Variants in ELMO1 observed in about 807,000 individuals in gnomAD.
ELMO1 encodes engulfment and cell motility 1, also known as engulfment and cell motility protein 1.
A neutral mutation model predicts 98.9 loss-of-function variants in ELMO1; 26 were observed. That is an observed-to-expected ratio of 0.26 (90% CI 0.19 to 0.36). ELMO1 has a LOEUF of 0.36. Ranked by LOEUF, ELMO1 falls within the 10% of genes least tolerant of loss-of-function variation. The pLI is 1.00. For synonymous variants in ELMO1, 346 were observed against 346.0 expected (o/e 1.00, Z 0.00); for missense variants, 627 against 935.2 (o/e 0.67, Z 4.30).
intron 18 of ELMO1, among the ~76,000 whole-genome samples, chr7:36,884,687 G>A (rs1194683026): frequency 2.0e-5 from 3 of 152,230 alleles, no homozygotes; most frequent in African/African-American, 4.8e-5. Flanking sequence ...ACATGAGACA[G>A]GCAGAAGGAT....
At chr7:37,168,876 C>T (rs951876425) in intron 13 of ELMO1, among the ~76,000 whole-genome samples, 4 of 151,834 alleles carry the variant, frequency 2.6e-5, no homozygotes, top group South Asian at 2.1e-4. Context: ...AAAGCTGTCA[C>T]GCAGGGACAT....
At chr7:37,267,350 C>T (rs956228929) in intron 5 of ELMO1, among the ~76,000 whole-genome samples, 2 of 152,160 alleles carry the variant, frequency 1.3e-5, no homozygotes, top group Non-Finnish European at 2.9e-5. Flanking sequence ...TAAAAATTAC[C>T]TACTGCACTT....
intron 16 of ELMO1, among the ~76,000 whole-genome samples, chr7:36,997,608 T>C (rs1792316154): frequency 6.6e-6 from 1 of 152,012 alleles, no homozygotes; most frequent in African/African-American, 2.4e-5. Flanking sequence ...AACGGAGCCA[T>C]GAGAATGGAG....
intron 13 of ELMO1, among the ~76,000 whole-genome samples, chr7:37,182,549 C>A (rs1040234391): frequency 1.4e-5 from 2 of 140,316 alleles, no homozygotes; most frequent in African/African-American, 5.4e-5. Context: ...GTCTCGCTCT[C>A]CTTCTTTCTC....
rs140853453 is a variant in ELMO1, at chr7:37,267,579, G to A, written c.243+4253C>T. ...AGGTGAATACCACTAGATTGCCCCC[G>A]AAGAGGGCATACAAATAGATTCTAC... On this transcript the variant is annotated intron_variant, in intron 5 of 21. Transcript: ENST00000310758. 2.5e-3 allele frequency among the ~76,000 whole-genome samples: 385 copies of A among 152,270 alleles called. 2 individuals are homozygous for A. Among genetic ancestry groups the A allele is most frequent in the African/African-American group, 8.8e-3 (364 of 41,560 alleles).
chr7:36,930,757 C>T (rs1395667820), intron 16 of ELMO1, among the ~76,000 whole-genome samples: 2 of 152,140 alleles, frequency 1.3e-5, no homozygotes, highest in Non-Finnish European at 1.5e-5. Context: ...TCATTCCAAA[C>T]ATGTCATACT....
chr7:36,861,709 A>G lies in ELMO1; in HGVS notation c.1933T>C (p.Leu645=), dbSNP rs756866196. 2.5e-6 allele frequency: 4 copies of G among 1,613,382 alleles called. No homozygotes were observed. In the South Asian group the frequency reaches 4.4e-5, roughly 18 times the overall value. The change falls in exon 21 of 22, where the codon TTG becomes CTG. Residue 645 remains leucine, a synonymous_variant. Transcript: ENST00000310758. ...KEVLELAFSI[L]YDSNCQLNFI... ...TTCAGTTGGCAGTTTGAGTCATACA[A>G]GATGGAGAAAGCGAGTTCAAGCACC...
chr7:37,206,131 CAAT>C (rs1266800242), intron 13 of ELMO1, among the ~76,000 whole-genome samples: 2 of 152,094 alleles, frequency 1.3e-5, no homozygotes, highest in East Asian at 3.8e-4. Context: ...GACGCCATTC[CAAT>C]AATATTAATA....
At chr7:37,163,751 G>T (rs1789411499) in intron 13 of ELMO1, among the ~76,000 whole-genome samples, 2 of 152,240 alleles carry the variant, frequency 1.3e-5, no homozygotes, top group South Asian at 2.1e-4. Context: ...TGGACATTTG[G>T]GTTGGTTCCA....
At chr7:37,121,145 C>A (rs901047174) in intron 14 of ELMO1, among the ~76,000 whole-genome samples, 1 of 152,114 alleles carries the variant, frequency 6.6e-6, no homozygotes, top group East Asian at 1.9e-4. Flanking sequence ...CATCAAAGAC[C>A]AAAGGTAGAT....
intron 4 of ELMO1, among the ~76,000 whole-genome samples, chr7:37,279,382 G>C (rs1797022922): frequency 6.6e-6 from 1 of 152,176 alleles, no homozygotes. Flanking sequence ...GCGTGCGGAA[G>C]CTCGCTTTGT....
chr7:37,186,522 G>C (rs1350523275), intron 13 of ELMO1, among the ~76,000 whole-genome samples: 1 of 152,114 alleles, frequency 6.6e-6, no homozygotes, highest in East Asian at 1.9e-4. Context: ...CAAGAAAGTG[G>C]GAAGGCAATC....
intron 14 of ELMO1, among the ~76,000 whole-genome samples, chr7:37,107,064 A>G (rs1784990624): frequency 6.6e-6 from 1 of 152,222 alleles, no homozygotes; most frequent in Non-Finnish European, 1.5e-5. Context: ...ACATCCCTAC[A>G]GTGTATTACC....
intron 13 of ELMO1, among the ~76,000 whole-genome samples, chr7:37,168,531 CTGTT>C (rs752780066): frequency 1.3e-5 from 2 of 152,040 alleles, no homozygotes; most frequent in Non-Finnish European, 2.9e-5. Flanking sequence ...GATGTCCTTT[CTGTT>C]TGTTAGTTTT....
At chr7:37,425,221 C>T (rs1314575629) in intron 1 of ELMO1, among the ~76,000 whole-genome samples, 1 of 152,166 alleles carries the variant, frequency 6.6e-6, no homozygotes, top group Non-Finnish European at 1.5e-5. Flanking sequence ...GGTGAGGGTG[C>T]TCTTCTGGGC....
chr7:37,335,207 A>G (rs1323067497), intron 2 of ELMO1, among the ~76,000 whole-genome samples: 1 of 152,264 alleles, frequency 6.6e-6, no homozygotes, highest in African/African-American at 2.4e-5. Context: ...AAAAGACTGC[A>G]TTATAATGCG....
intron 1 of ELMO1, among the ~76,000 whole-genome samples, chr7:37,426,110 T>TTC (rs369791071): frequency 1.2e-4 from 18 of 149,550 alleles, no homozygotes; most frequent in South Asian, 2.1e-4. Context: ...AAACTTAGAG[T>TTC]TCTCTCTCTC....
chr7:36,879,172 A>G (rs1316996869), intron 18 of ELMO1, among the ~76,000 whole-genome samples: 2 of 152,240 alleles, frequency 1.3e-5, no homozygotes, highest in African/African-American at 4.8e-5. Flanking sequence ...CAGCCCTGAC[A>G]GTGTGGAAGA....
intron 4 of ELMO1, among the ~76,000 whole-genome samples, chr7:37,279,244 G>A (rs1170195471): frequency 6.6e-6 from 1 of 152,124 alleles, no homozygotes; most frequent in Non-Finnish European, 1.5e-5. Context: ...GTGTGTGAGG[G>A]CTACTACCTC....
Sources: allele counts gnomAD v4.1 joint callset (sites outside exome capture counted in the v4.1 genomes callset), GRCh38; gene constraint gnomAD v4.1.1; transcripts MANE v1.5; gene names NCBI Gene and HGNC (gene_info 2026-07-23, HGNC 2026-07-21).